The following MPHOSPH10 variants were observed in gnomAD, a reference collection of about 807,000 sequenced individuals.
The protein encoded by MPHOSPH10 is U3 small nucleolar ribonucleoprotein MPP10.
MPHOSPH10 carries 33 observed loss-of-function variants against 77.3 expected under a neutral mutation model. That is an observed-to-expected ratio of 0.43 (90% CI 0.32 to 0.57). The LOEUF (loss-of-function observed/expected upper bound fraction) is 0.57. Among genes scored for constraint, MPHOSPH10 ranks in the 20% least tolerant of loss-of-function variants. The probability of loss-of-function intolerance (pLI) is 0.07; values close to 1 mark genes in which losing one functional copy is unlikely to be tolerated. For synonymous variants in MPHOSPH10, 245 were observed against 268.0 expected (o/e 0.91, Z 0.84); for missense variants, 708 against 780.1 (o/e 0.91, Z 1.10).
In MPHOSPH10 at chr2:71,148,078, C is replaced by T. The variant is rs1372862432; in HGVS notation, c.1637C>T (p.Ala546Val). Reference protein sequence around the residue: ...EEVAPVSVSDAALLAPEEIKE... With the variant: ...EEVAPVSVSDVALLAPEEIKE... The stretch of plus-strand genomic sequence containing the variant: ...GTAGCCCCAGTGAGTGTTAGTGATG[C>T]AGCTCTCCTGGCCCCAGAGGAGATC... The change falls in exon 9 of 11, where the codon GCA (alanine) becomes GTA (valine). Residue 546 changes from alanine to valine, a missense_variant. Coordinates refer to ENST00000244230, the MANE Select transcript of MPHOSPH10 (RefSeq NM_005791.3). The T allele has an allele frequency of 6.2e-7, 1 of 1,614,060 alleles. No individual in the cohort carries two copies. Among genetic ancestry groups the T allele is most frequent in the African/African-American group, 1.3e-5 (1 of 75,044 alleles).
chr2:71,145,083 C>T (rs747465385), intron 8 of MPHOSPH10, among the ~76,000 whole-genome samples: 8 of 152,066 alleles, frequency 5.3e-5, no homozygotes, highest in African/African-American at 7.3e-5. Flanking sequence ...CAGCTGTCTC[C>T]GCATGATGTT....
At chr2:71,134,882 C>T in intron 4 of MPHOSPH10, 85 bp downstream of exon 4, 1 of 1,136,934 alleles carries the variant, frequency 8.8e-7, no homozygotes, top group South Asian at 1.5e-5. Flanking sequence ...AAACAAATAT[C>T]TTGGCCAGGT....
chr2:71,135,770 T>G (rs13001914), intron 4 of MPHOSPH10, among the ~76,000 whole-genome samples: 49,443 of 148,218 alleles, frequency 0.33, 8,531 homozygotes, highest in Admixed American at 0.4. Context: ...TGGCGTGATC[T>G]TAGCTCACTG....
chr2:71,143,806 G>A (rs553912443), intron 7 of MPHOSPH10, among the ~76,000 whole-genome samples: 53 of 152,248 alleles, frequency 3.5e-4, no homozygotes, highest in African/African-American at 1.0e-3. Flanking sequence ...ATGGTTACAC[G>A]GTATTCCGTT....
At chr2:71,138,385 A>G in intron 4 of MPHOSPH10, 105 bp from the exon 5 acceptor site, 1 of 895,770 alleles carries the variant, frequency 1.1e-6, no homozygotes. Context: ...GAATCGTAGA[A>G]CAGTACGTTT....
chr2:71,137,884 G>A (rs1242952773), intron 4 of MPHOSPH10, among the ~76,000 whole-genome samples: 1 of 152,092 alleles, frequency 6.6e-6, no homozygotes, highest in East Asian at 1.9e-4. Context: ...CAGGCATGGT[G>A]GCTCACGCCT....
Position 71,141,346 on chromosome 2 carries a change from C to A in MPHOSPH10, c.1423C>A (p.Gln475Lys). Residue 475 changes from glutamine to lysine, a missense_variant, in exon 7 of 11, where the codon CAG becomes AAG. Gln to Lys is a moderately conservative substitution (Grantham distance 53). Around this residue, in one of 3 missense-constraint regions of MPHOSPH10, gnomAD observed 263 missense variants for 320.0 expected, o/e 0.82. Transcript: ENST00000244230. ...ATTGAGCCTTGCTGAAATTTATGAA[C>A]AGGAGTACATCAAACTCAACCAGGT... ...SKLSLAEIYE[Q>K]EYIKLNQQKT... 2 of 1,557,916 alleles carry A rather than the reference C, an allele frequency of 1.3e-6. No individual in the cohort carries two copies. The highest frequency in any genetic ancestry group is 1.9e-5 in the Admixed American group (1 of 52,258).
intron 7 of MPHOSPH10, among the ~76,000 whole-genome samples, chr2:71,143,146 CTTT>C (rs776519742): frequency 2.8e-5 from 4 of 140,872 alleles, no homozygotes; most frequent in Non-Finnish European, 3.1e-5. Flanking sequence ...TCTTTTTTTT[CTTT>C]TTTTTTTTTT....
chr2:71,137,678 A>G (rs1572898422), intron 4 of MPHOSPH10, among the ~76,000 whole-genome samples: 1 of 150,804 alleles, frequency 6.6e-6, no homozygotes, highest in Non-Finnish European at 1.5e-5. Flanking sequence ...AAAAAAAAAA[A>G]GATTAGGAAT....
chr2:71,131,686 T>TAAAAGGAAAAA (rs1673383519), intron 1 of MPHOSPH10, among the ~76,000 whole-genome samples: 1 of 152,202 alleles, frequency 6.6e-6, no homozygotes, highest in South Asian at 2.1e-4. Flanking sequence ...GGTTATCTAT[T>TAAAAGGAAAAA]AGCAGAGGAG....
intron 2 of MPHOSPH10, 117 bp from the exon 3 acceptor site, chr2:71,133,831 G>C: frequency 1.1e-6 from 1 of 887,866 alleles, no homozygotes; most frequent in South Asian, 2.3e-5. Flanking sequence ...TTATTAGCTT[G>C]TAGTGTTATT....
chr2:71,134,481 T>G (rs1673448675), intron 3 of MPHOSPH10, 145 bp from the exon 4 acceptor site: 1 of 712,846 alleles, frequency 1.4e-6, no homozygotes, highest in African/African-American at 1.8e-5. Flanking sequence ...TTTTGTTCCT[T>G]AATAACTGAA....
At chr2:71,133,712 A>T in intron 2 of MPHOSPH10, 136 bp downstream of exon 2, 1 of 1,051,288 alleles carries the variant, frequency 9.5e-7, no homozygotes, top group Non-Finnish European at 1.3e-6. Context: ...TTATAAATGA[A>T]TCTGTACTTC....
At chr2:71,142,091 C>T (rs1572900099) in intron 7 of MPHOSPH10, among the ~76,000 whole-genome samples, 1 of 152,232 alleles carries the variant, frequency 6.6e-6, no homozygotes, top group East Asian at 1.9e-4. Flanking sequence ...AGGTCCTATT[C>T]CTAGGAATAT....
rs1673792247 is a variant in MPHOSPH10, at chr2:71,149,951, C to A, written c.1982C>A (p.Ala661Glu). ...CAAGTAAAAATGCAAATCAATGATG[C>A]AAAGAAAACAGAAAAGAAAAAGAAG... ...QDQVKMQIND[A>E]KKTEKKKKKR... Residue 661 changes from alanine (A) to glutamate (E), a missense_variant, in exon 11 of 11, where the codon GCA (alanine) becomes GAA (glutamate). By Grantham distance (107) the Ala-to-Glu change is moderately radical. Around this residue, in one of 3 missense-constraint regions of MPHOSPH10, gnomAD observed 263 missense variants for 320.0 expected, o/e 0.82. Coordinates refer to ENST00000244230, the MANE Select transcript of MPHOSPH10 (RefSeq NM_005791.3). The A allele has an allele frequency of 2.0e-6, 3 of 1,527,498 alleles. No homozygotes were observed. The highest frequency in any genetic ancestry group is 1.2e-5 in the South Asian group (1 of 82,374). The allele number at this position is 1,527,498 out of a possible 1,614,324, so 94.6% of individuals were successfully genotyped here.
chr2:71,148,010 G>A lies in MPHOSPH10; in HGVS notation c.1569G>A (p.Glu523=), dbSNP rs1673751046. 8 of 1,613,766 alleles carry A rather than the reference G, an allele frequency of 5.0e-6. No homozygotes were observed. The highest frequency in any genetic ancestry group is 1.7e-6 in the Non-Finnish European group (2 of 1,179,802). ...FHFIPKPPVP[E]IKVVSNLPAI... ...TATCTCTTTTCTAGCCTGTACCAGA[G>A]ATTAAAGTTGTGTCAAATCTGCCAG... The change falls in exon 9 of 11, where the codon GAG becomes GAA. Residue 523 remains glutamate, a synonymous_variant. Coordinates refer to ENST00000244230, the MANE Select transcript of MPHOSPH10 (RefSeq NM_005791.3).
chr2:71,133,340 A>G lies in MPHOSPH10; in HGVS notation c.532A>G (p.Ser178Gly), dbSNP rs763616028. 6.2e-7 allele frequency: 1 copy of G among 1,614,162 alleles called. No homozygotes were observed. The highest frequency in any genetic ancestry group is 8.5e-7 in the Non-Finnish European group (1 of 1,180,012). The change falls in exon 2 of 11, where the codon AGC (serine) becomes GGC (glycine). Residue 178 changes from serine (S) to glycine (G), a missense_variant. Transcript: ENST00000244230. ...GGATTCTGACCTTGACTTTGATATC[A>G]GCAAATTGGAACAGCAGAGCAAGGT... ...DEDSDLDFDI[S>G]KLEQQSKVQN...
At chr2:71,144,375 C>A in intron 7 of MPHOSPH10, 53 bp from the exon 8 acceptor site, 1 of 1,304,850 alleles carries the variant, frequency 7.7e-7, no homozygotes, top group Non-Finnish European at 1.1e-6. Context: ...GTGTTTTGTC[C>A]TGTGATATAT....
At chr2:71,133,913 C>A (rs1395854913) in intron 2 of MPHOSPH10, 35 bp from the exon 3 acceptor site, 1 of 1,358,842 alleles carries the variant, frequency 7.4e-7, no homozygotes, top group Non-Finnish European at 1.0e-6. Flanking sequence ...TTTTTCTATC[C>A]CTAATTAATA....
Sources: gnomAD v4.1 joint callset for allele counts (sites outside exome capture counted in the v4.1 genomes callset) on GRCh38, gnomAD v4.1.1 for gene constraint, gnomAD v4.1.1 regional missense constraint, MANE v1.5 for transcripts, NCBI Gene and HGNC (gene_info 2026-07-23, HGNC 2026-07-21) for gene names.